EIF2B3: variants seen among roughly 807,000 people sequenced by gnomAD.
EIF2B3 encodes the protein eukaryotic translation initiation factor 2B subunit gamma, also known as translation initiation factor eIF2B subunit gamma.
EIF2B3 carries 20 observed loss-of-function variants against 54.1 expected under a neutral mutation model. The observed-to-expected ratio is 0.37, with a 90% CI of 0.26 to 0.54. The LOEUF (loss-of-function observed/expected upper bound fraction) is 0.54. Among genes scored for constraint, EIF2B3 ranks in the 20% least tolerant of loss-of-function variants. EIF2B3 has a pLI of 0.86. For synonymous variants in EIF2B3, 153 were observed against 188.1 expected (o/e 0.81, Z 1.52); for missense variants, 448 against 547.8 (o/e 0.82, Z 1.82).
chr1:44,879,917 G>A lies in EIF2B3; in HGVS notation c.876C>T (p.Asp292=), dbSNP rs762334160. The part of the protein sequence containing the change: ...WNACRGDRWE[D]LSRSQVRCYV... ...AGCAGCGCACCTGTGATCTGGACAAGTCTTCCCACCTGTCTCCTCGACAGG... is the reference window on the plus strand; with the variant it reads ...AGCAGCGCACCTGTGATCTGGACAAATCTTCCCACCTGTCTCCTCGACAGG... Residue 292 remains aspartate (D), a synonymous_variant, in exon 8 of 12, where the codon GAC becomes GAT. Coordinates refer to ENST00000360403, the MANE Select transcript of EIF2B3 (RefSeq NM_020365.5). The A allele has an allele frequency of 4.3e-6, 7 of 1,614,158 alleles. No homozygotes were observed. In the South Asian group the frequency reaches 7.7e-5, roughly 18 times the overall value.
At chr1:44,871,911 CTGTCACCT>C in intron 10 of EIF2B3, among the ~76,000 whole-genome samples, 1 of 142,492 alleles carries the variant, frequency 7.0e-6, no homozygotes, top group East Asian at 2.1e-4. Context: ...GGGTCTCACT[CTGTCACCT>C]AGGCTGGAGT....
chr1:44,872,329 G>C (rs950564270), intron 10 of EIF2B3, among the ~76,000 whole-genome samples: 17 of 152,080 alleles, frequency 1.1e-4, no homozygotes, highest in African/African-American at 3.9e-4. Context: ...CAATGTGGCT[G>C]GCCACTTCAC....
chr1:44,879,893 G>C lies in EIF2B3; in HGVS notation c.900C>G (p.Cys300Trp). The change falls in exon 8 of 12, where the codon TGC becomes TGG. Residue 300 changes from cysteine to tryptophan, a missense_variant. This residue lies in a region of EIF2B3 where 350 missense variants were observed against 414.2 expected (regional missense o/e 0.85). Coordinates refer to ENST00000360403, the MANE Select transcript of EIF2B3 (RefSeq NM_020365.5). Reference sequence around the variant, plus strand: ...GCCCCTCTTTCATGATGTGGACATAGCAGCGCACCTGTGATCTGGACAAGT... The same window carrying C: ...GCCCCTCTTTCATGATGTGGACATACCAGCGCACCTGTGATCTGGACAAGT... The part of the protein sequence containing the change: ...WEDLSRSQVR[C>W]YVHIMKEGLC... 1 of 1,614,160 alleles carries C rather than the reference G, an allele frequency of 6.2e-7. No homozygotes were observed. Among genetic ancestry groups the C allele is most frequent in the Non-Finnish European group, 8.5e-7 (1 of 1,180,022 alleles).
intron 5 of EIF2B3, among the ~76,000 whole-genome samples, chr1:44,922,484 G>A (rs1216989596): frequency 6.6e-6 from 1 of 150,912 alleles, no homozygotes; most frequent in Admixed American, 6.6e-5. Flanking sequence ...CTACTTGGGC[G>A]GCTGAGGCAG....
At chr1:44,909,959 G>C (rs1467554202) in intron 5 of EIF2B3, among the ~76,000 whole-genome samples, 1 of 152,178 alleles carries the variant, frequency 6.6e-6, no homozygotes. Flanking sequence ...TGAAGTCCTT[G>C]ACTCCCCAGA....
intron 3 of EIF2B3, among the ~76,000 whole-genome samples, chr1:44,977,274 TA>T (rs1644462033): frequency 6.6e-6 from 1 of 152,202 alleles, no homozygotes; most frequent in Non-Finnish European, 1.5e-5. Context: ...ATGTGCTCCT[TA>T]GTTTCTTAAC....
intron 3 of EIF2B3, among the ~76,000 whole-genome samples, chr1:44,966,371 G>A (rs550316613): frequency 1.5e-3 from 227 of 151,030 alleles, no homozygotes; most frequent in African/African-American, 5.2e-3. Context: ...CCTGGGGGGC[G>A]GAGCTTGCAG....
chr1:44,967,928 C>G (rs1644360515), intron 3 of EIF2B3, among the ~76,000 whole-genome samples: 1 of 151,948 alleles, frequency 6.6e-6, no homozygotes, highest in South Asian at 2.1e-4. Context: ...ATCCCAGCTA[C>G]TCAGGGGGCT....
intron 10 of EIF2B3, among the ~76,000 whole-genome samples, chr1:44,858,873 T>C (rs566185398): frequency 2.3e-4 from 35 of 152,288 alleles, no homozygotes; most frequent in Non-Finnish European, 4.6e-4. Flanking sequence ...GGACTACAGG[T>C]GTCCATCACT....
chr1:44,942,855 T>TTTTA (rs1337709813), intron 3 of EIF2B3, among the ~76,000 whole-genome samples: 2 of 151,420 alleles, frequency 1.3e-5, no homozygotes, highest in Admixed American at 1.3e-4. Flanking sequence ...TTTTATTTTA[T>TTTTA]TTTATTTATT....
chr1:44,917,434 G>C (rs546944018), intron 5 of EIF2B3, among the ~76,000 whole-genome samples: 1 of 150,730 alleles, frequency 6.6e-6, no homozygotes, highest in African/African-American at 2.4e-5. Flanking sequence ...CAGAGGTTGC[G>C]GTGAGCCGAG....
chr1:44,886,600 G>A (rs1390062239), intron 6 of EIF2B3, among the ~76,000 whole-genome samples: 1 of 152,226 alleles, frequency 6.6e-6, no homozygotes. Flanking sequence ...AGATGAGACT[G>A]AAAACCTAAC....
intron 5 of EIF2B3, among the ~76,000 whole-genome samples, chr1:44,898,751 G>A (rs1456874381): frequency 6.6e-6 from 1 of 152,180 alleles, no homozygotes; most frequent in Non-Finnish European, 1.5e-5. Flanking sequence ...GGAGTGCAGT[G>A]GCACAATGAT....
rs10465875 is a variant in EIF2B3 at position 44,979,580 on chromosome 1, C to T, written c.149-1120G>A. The stretch of plus-strand genomic sequence containing the variant: ...GGCTAAGATGGGAGGATCGTTTGAT[C>T]CCAGGAGGCAGAGGTTGCAATGAGC... On this transcript the variant is annotated intron_variant, in intron 2 of 11. Transcript: ENST00000360403. Among the ~76,000 whole-genome samples, 652 of 151,252 alleles carry T rather than the reference C, an allele frequency of 4.3e-3. 3 individuals are homozygous for T. The highest frequency in any genetic ancestry group is 0.015 in the African/African-American group (621 of 41,210).
chr1:44,856,150 T>C (rs11211047), intron 11 of EIF2B3, among the ~76,000 whole-genome samples: 65,504 of 151,978 alleles, frequency 0.43, 15,015 homozygotes, highest in African/African-American at 0.59. Context: ...GTAGTGCATA[T>C]ACCTGTCATT....
chr1:44,866,901 T>C (rs1027133294), intron 10 of EIF2B3, among the ~76,000 whole-genome samples: 1 of 152,130 alleles, frequency 6.6e-6, no homozygotes, highest in Non-Finnish European at 1.5e-5. Flanking sequence ...GGAATATGCA[T>C]TGGATCTTGC....
intron 3 of EIF2B3, among the ~76,000 whole-genome samples, chr1:44,950,486 A>C (rs1254529658): frequency 6.6e-6 from 1 of 152,192 alleles, no homozygotes; most frequent in African/African-American, 2.4e-5. Flanking sequence ...ATTTAGAGAC[A>C]TACAGATAAA....
intron 6 of EIF2B3, among the ~76,000 whole-genome samples, chr1:44,889,292 G>A (rs1655716694): frequency 6.6e-6 from 1 of 152,250 alleles, no homozygotes; most frequent in South Asian, 2.1e-4. Flanking sequence ...TCCCAGCACT[G>A]TGGGAGGCTG....
At chr1:44,942,522 G>C (rs1372311495) in intron 3 of EIF2B3, among the ~76,000 whole-genome samples, 1 of 140,682 alleles carries the variant, frequency 7.1e-6, no homozygotes, top group Non-Finnish European at 1.5e-5. Flanking sequence ...CGACCTGCCA[G>C]GCTCAAGTCA....
Sources: gnomAD v4.1 joint callset for allele counts (sites outside exome capture counted in the v4.1 genomes callset) on GRCh38, gnomAD v4.1.1 for gene constraint, gnomAD v4.1.1 regional missense constraint, MANE v1.5 for transcripts, NCBI Gene and HGNC (gene_info 2026-07-23, HGNC 2026-07-21) for gene names.